PRKAR1A: variants seen among roughly 807,000 people sequenced by gnomAD.
PRKAR1A encodes cAMP-dependent protein kinase type I-alpha regulatory subunit.
A neutral mutation model predicts 52.0 loss-of-function variants in PRKAR1A; 3 were observed. The observed-to-expected ratio is 0.06, with a 90% CI of 0.03 to 0.15. The LOEUF (loss-of-function observed/expected upper bound fraction) is 0.15, where lower values mean the gene tolerates loss of function less well. Ranked by LOEUF, PRKAR1A falls within the 10% of genes least tolerant of loss-of-function variation. PRKAR1A has a pLI of 1.00. For synonymous variants in PRKAR1A, 188 were observed against 168.4 expected (o/e 1.12, Z -0.90); for missense variants, 240 against 477.4 (o/e 0.50, Z 4.63).
chr17:68,530,116 CT>C, intron 10 of PRKAR1A, 115 bp downstream of exon 10: 1 of 1,479,124 alleles, frequency 6.8e-7, no homozygotes, highest in Non-Finnish European at 9.4e-7. Flanking sequence ...TAACTGCAGT[CT>C]TTTTTGGCTC....
chr17:68,432,418 A>C, the PRKAR1A span, among the ~76,000 whole-genome samples: 1 of 152,224 alleles, frequency 6.6e-6, no homozygotes, highest in East Asian at 1.9e-4. Context: ...GCCTTGTGTC[A>C]TGCTGAGAAG....
At chr17:68,436,294 C>T in the PRKAR1A span, 4 of 1,239,010 alleles carry the variant, frequency 3.2e-6, no homozygotes, top group Non-Finnish European at 3.6e-6. Flanking sequence ...CCTCCAGCCC[C>T]CGACGGCAGG....
chr17:68,545,584 C>G (rs1432677789), intron 11 of PRKAR1A, among the ~76,000 whole-genome samples: 2 of 152,164 alleles, frequency 1.3e-5, no homozygotes, highest in African/African-American at 4.8e-5. Flanking sequence ...GTGGTGGTTG[C>G]TGAAGGTTGG....
At chr17:68,433,760 G>GGTTTTTTTTTTTTT in the PRKAR1A span, among the ~76,000 whole-genome samples, 1 of 72,814 alleles carries the variant, frequency 1.4e-5, no homozygotes, top group African/African-American at 6.6e-5. Flanking sequence ...AAGGGTCATA[G>GGTTTTTTTTTTTTT]TTTTTTTTTT....
At chr17:68,495,837 C>A in the PRKAR1A span, among the ~76,000 whole-genome samples, 3 of 150,822 alleles carry the variant, frequency 2.0e-5, no homozygotes, top group Non-Finnish European at 4.4e-5. Context: ...AGGGCTGCAT[C>A]CTTTTCTGAA....
upstream of PRKAR1A, among the ~76,000 whole-genome samples, chr17:68,510,583 G>C (rs1351427015): frequency 1.3e-5 from 2 of 152,134 alleles, 1 homozygote; most frequent in Non-Finnish European, 2.9e-5. Flanking sequence ...ACATGACCGG[G>C]CCTGCTCAAT....
intron 11 of PRKAR1A, chr17:68,540,636 A>G (rs1439672224): frequency 3.0e-6 from 2 of 668,752 alleles, no homozygotes; most frequent in African/African-American, 3.5e-5. Context: ...CTGCCTTATG[A>G]GTGACGACCC....
At chr17:68,451,063 C>T in the PRKAR1A span, among the ~76,000 whole-genome samples, 1 of 152,248 alleles carries the variant, frequency 6.6e-6, no homozygotes, top group Non-Finnish European at 1.5e-5. Context: ...ACCATGCCCC[C>T]CACCCTGCCA....
At chr17:68,530,164 T>G in intron 10 of PRKAR1A, 113 bp from the exon 11 acceptor site, 1 of 1,503,848 alleles carries the variant, frequency 6.6e-7, no homozygotes, top group Admixed American at 1.7e-5. Flanking sequence ...CTTTACTCAT[T>G]TAATGAAATT....
chr17:68,442,531 CT>C, the PRKAR1A span, among the ~76,000 whole-genome samples: 1 of 151,960 alleles, frequency 6.6e-6, no homozygotes, highest in Non-Finnish European at 1.5e-5. Context: ...TGAAGCAACC[CT>C]GTCCTCTGGG....
intron 8 of PRKAR1A, 101 bp from the exon 9 acceptor site, chr17:68,528,769 G>C: frequency 6.8e-7 from 1 of 1,466,370 alleles, no homozygotes; most frequent in East Asian, 2.3e-5. Context: ...CTAGAATGTT[G>C]AATGGGCATG....
chr17:68,437,948 T>TAAAAAAAAAAAAA, the PRKAR1A span, among the ~76,000 whole-genome samples: 68 of 78,788 alleles, frequency 8.6e-4, 1 homozygote, highest in African/African-American at 2.8e-3. Flanking sequence ...ACATCTCTCT[T>TAAAAAAAAAAAAA]AAAAAAAAAA....
intron 2 of PRKAR1A, among the ~76,000 whole-genome samples, chr17:68,518,910 A>G (rs1351753534): frequency 1.3e-5 from 2 of 152,238 alleles, no homozygotes; most frequent in Admixed American, 6.5e-5. Flanking sequence ...AAAGTTCCAC[A>G]GATTTCTAGG....
At chr17:68,489,466 T>C in the PRKAR1A span, among the ~76,000 whole-genome samples, 1 of 140,666 alleles carries the variant, frequency 7.1e-6, no homozygotes, top group African/African-American at 2.6e-5. Context: ...ATGGAAAAAA[T>C]ATATATATAT....
the PRKAR1A span, among the ~76,000 whole-genome samples, chr17:68,505,471 T>C: frequency 2.6e-5 from 4 of 152,118 alleles, no homozygotes. Flanking sequence ...TCATAGAATA[T>C]ACAACAGAAA....
the PRKAR1A span, among the ~76,000 whole-genome samples, chr17:68,506,629 G>A: frequency 1.3e-5 from 2 of 151,810 alleles, no homozygotes; most frequent in African/African-American, 4.8e-5. Context: ...GACTACAGGC[G>A]TGCACCACCA....
In PRKAR1A at chr17:68,533,273, C is replaced by T; in HGVS notation, c.*2824C>T. ...ATTCATTAGTGTATTGGTATTTCTT[C>T]ACATCCAGTGAAATTGGAGATATGT... On this transcript the variant is annotated 3_prime_UTR_variant, in exon 11 of 11. Transcript: ENST00000589228. The T allele has an allele frequency of 9.4e-7, 1 of 1,063,850 alleles. No individual in the cohort carries two copies. Among genetic ancestry groups the T allele is most frequent in the South Asian group, 4.6e-5 (1 of 21,952 alleles). 65.9% of individuals were successfully genotyped at this position (1,063,850 alleles called of 1,614,324 possible). A position where few individuals can be genotyped will look rare whatever the true frequency, so the allele number is the denominator to read the frequency against.
At chr17:68,543,785 T>G (rs2086420465) in intron 11 of PRKAR1A, 1 of 1,363,610 alleles carries the variant, frequency 7.3e-7, no homozygotes, top group African/African-American at 1.4e-5. Flanking sequence ...AGAAGAGAGC[T>G]GATGAGCATG....
chr17:68,503,480 T>G, the PRKAR1A span, among the ~76,000 whole-genome samples: 1 of 152,192 alleles, frequency 6.6e-6, no homozygotes, highest in Non-Finnish European at 1.5e-5. Flanking sequence ...TTGTGGTACA[T>G]CTATACAGTG....
Sources: gnomAD v4.1 joint callset for allele counts (sites outside exome capture counted in the v4.1 genomes callset) on GRCh38, gnomAD v4.1.1 for gene constraint, MANE v1.5 for transcripts, NCBI Gene and HGNC (gene_info 2026-07-23, HGNC 2026-07-21) for gene names.